SHC3: variants seen among roughly 807,000 people sequenced by gnomAD.
The protein encoded by SHC3 is SHC adaptor protein 3.
In SHC3, 15 loss-of-function variants were observed where a neutral mutation model predicts 60.4. That is an observed-to-expected ratio of 0.25 (90% CI 0.17 to 0.38). The LOEUF (loss-of-function observed/expected upper bound fraction) is 0.38. SHC3 is among the 10% of genes least tolerant of loss of function. The pLI, the probability that SHC3 is intolerant of heterozygous loss-of-function variation, is 1.00. For synonymous variants in SHC3, 294 were observed against 325.9 expected (o/e 0.90, Z 1.05); for missense variants, 677 against 786.1 (o/e 0.86, Z 1.66).
At chr9:89,083,744 C>A (rs774123102) in intron 2 of SHC3, among the ~76,000 whole-genome samples, 1 of 152,178 alleles carries the variant, frequency 6.6e-6, no homozygotes, top group Non-Finnish European at 1.5e-5. Flanking sequence ...CTCACTCTTT[C>A]ATCTTGGGGA....
intron 1 of SHC3, 126 bp from the exon 2 acceptor site, chr9:89,112,752 A>G: frequency 1.4e-6 from 1 of 719,672 alleles, no homozygotes; most frequent in South Asian, 2.6e-5. Context: ...TTTAAATTCT[A>G]GGGTGAGGCT....
chr9:89,178,356 C>T lies in SHC3; in HGVS notation c.105G>A (p.Ser35=), dbSNP rs773645824. The change falls in exon 1 of 12, where the codon TCG becomes TCA. Residue 35 remains serine (S), a synonymous_variant. Coordinates refer to ENST00000375835, the MANE Select transcript of SHC3 (RefSeq NM_016848.6). The surrounding 1 kb of genome is among the most constrained non-coding windows in gnomAD (Gnocchi z 6.9). Reference sequence around the variant, plus strand: ...CCGCCGCCGGGGTCGCGCGCGCCGCCGAAACCTTGCCTCCGCCGCCGCTCA... The same window carrying T: ...CCGCCGCCGGGGTCGCGCGCGCCGCTGAAACCTTGCCTCCGCCGCCGCTCA... The part of the protein sequence containing the change: ...LSVSGGGGKV[S]AARATPAAAP... The T allele has an allele frequency of 1.3e-6, 2 of 1,593,938 alleles. No homozygotes were observed. Among genetic ancestry groups the T allele is most frequent in the African/African-American group, 1.4e-5 (1 of 72,400 alleles).
At position 89,107,703 on chromosome 9, in the gene SHC3, C is replaced by T. The variant is rs535193911; in HGVS notation, c.545+4853G>A. 3.3e-5 allele frequency among the ~76,000 whole-genome samples: 5 copies of T among 152,230 alleles called. No individual in the cohort carries two copies. In the South Asian group the frequency reaches 1.0e-3, roughly 32 times the overall value. ...AATCCAAAAGCTAGCCATTCTGCAC[C>T]ACCCAAATGCACAGGGATCAGGGTT... On this transcript the variant is annotated intron_variant, in intron 2 of 11. Transcript: ENST00000375835.
Position 89,077,829 on chromosome 9 carries a change from G to A in SHC3, c.609+11C>T, listed in dbSNP as rs1825383669. ...GAGACACAGTTAGACACAGAGCATT[G>A]AGGACAGTACCTTTCTCTTCTTGAA... On this transcript the variant is annotated intron_variant, in intron 3 of 11. Coordinates refer to ENST00000375835, the MANE Select transcript of SHC3 (RefSeq NM_016848.6). The A allele has an allele frequency of 6.2e-7, 1 of 1,614,034 alleles. No homozygotes were observed. The highest frequency in any genetic ancestry group is 8.5e-7 in the Non-Finnish European group (1 of 1,180,002).
chr9:89,138,721 C>T (rs7048173), intron 1 of SHC3, among the ~76,000 whole-genome samples: 104,044 of 151,950 alleles, frequency 0.68, 35,982 homozygotes, highest in East Asian at 0.98. Context: ...TTCCCCTCTC[C>T]CTTTTCTAAG....
At chr9:89,162,286 T>C (rs1458490349) in intron 1 of SHC3, among the ~76,000 whole-genome samples, 1 of 151,450 alleles carries the variant, frequency 6.6e-6, no homozygotes, top group Non-Finnish European at 1.5e-5. Context: ...CATCGCCAAG[T>C]CAATCCTCAG....
chr9:89,159,352 A>C (rs1403057477), intron 1 of SHC3, among the ~76,000 whole-genome samples: 2 of 152,218 alleles, frequency 1.3e-5, no homozygotes, highest in Non-Finnish European at 2.9e-5. Context: ...GAATGTAAAC[A>C]ATAAGAGAAT....
At chr9:89,095,848 G>C (rs779931151) in intron 2 of SHC3, among the ~76,000 whole-genome samples, 3 of 151,982 alleles carry the variant, frequency 2.0e-5, no homozygotes, top group African/African-American at 7.3e-5. Flanking sequence ...ATCATTTTGC[G>C]GTGCATTTTC....
chr9:89,119,542 A>G (rs1307334202), intron 1 of SHC3, among the ~76,000 whole-genome samples: 1 of 152,202 alleles, frequency 6.6e-6, no homozygotes, highest in Non-Finnish European at 1.5e-5. Context: ...CAATAGCAAG[A>G]ACGAAAAAAC....
intron 10 of SHC3, among the ~76,000 whole-genome samples, chr9:89,041,679 T>C (rs1413567015): frequency 1.3e-5 from 2 of 152,258 alleles, no homozygotes; most frequent in Non-Finnish European, 2.9e-5. Context: ...ATTTCATCTT[T>C]GCATCCTTAG....
intron 2 of SHC3, among the ~76,000 whole-genome samples, chr9:89,080,755 A>ATGTATATATATATATATATATATG (rs1825432141): frequency 6.9e-6 from 1 of 145,412 alleles, no homozygotes; most frequent in African/African-American, 2.5e-5. Context: ...ATATATATAT[A>ATGTATATATATATATATATATATG]TATGTATGTA....
chr9:89,046,622 A>T (rs1824779263), intron 8 of SHC3, among the ~76,000 whole-genome samples: 1 of 152,178 alleles, frequency 6.6e-6, no homozygotes, highest in Non-Finnish European at 1.5e-5. Flanking sequence ...ATATCCCAGG[A>T]ATCACCACAC....
chr9:89,093,830 G>A (rs1190889258), intron 2 of SHC3, among the ~76,000 whole-genome samples: 19 of 152,086 alleles, frequency 1.2e-4, no homozygotes, highest in African/African-American at 3.6e-4. Context: ...CTGGTCGGGC[G>A]CGGTGGCTCA....
chr9:89,013,679 A>C, intron 11 of SHC3, 104 bp from the exon 12 acceptor site: 1 of 1,474,370 alleles, frequency 6.8e-7, no homozygotes, highest in Non-Finnish European at 9.1e-7. Context: ...CCCAGAAGGA[A>C]AGGAGGGGGG....
chr9:89,058,631 C>T (rs894593526), intron 6 of SHC3, among the ~76,000 whole-genome samples: 12 of 139,320 alleles, frequency 8.6e-5, no homozygotes, highest in African/African-American at 3.0e-4. Flanking sequence ...TGGTGGAGGA[C>T]ATGGTGGAGG....
intron 11 of SHC3, among the ~76,000 whole-genome samples, chr9:89,019,251 C>T (rs1161522669): frequency 1.3e-5 from 2 of 151,838 alleles, no homozygotes; most frequent in East Asian, 1.9e-4. Flanking sequence ...TTTTTGTAAA[C>T]CATTATTGCT....
At chr9:89,073,517 G>A (rs141494383) in intron 4 of SHC3, among the ~76,000 whole-genome samples, 71 of 152,220 alleles carry the variant, frequency 4.7e-4, no homozygotes, top group Admixed American at 1.2e-3. Flanking sequence ...AAAGTCAGCT[G>A]GAAGGGAGAG....
intron 11 of SHC3, among the ~76,000 whole-genome samples, chr9:89,021,471 GC>G: frequency 6.6e-6 from 1 of 152,174 alleles, no homozygotes; most frequent in South Asian, 2.1e-4. Context: ...GAAGGCCTAG[GC>G]CCAGGTCACC....
chr9:89,159,241 C>A (rs375432976), intron 1 of SHC3, among the ~76,000 whole-genome samples: 14 of 152,156 alleles, frequency 9.2e-5, no homozygotes, highest in African/African-American at 3.1e-4. Flanking sequence ...TAGGATAGGA[C>A]AAAACTCTAC....
Sources: allele counts gnomAD v4.1 joint callset (sites outside exome capture counted in the v4.1 genomes callset), GRCh38; gene constraint gnomAD v4.1.1; non-coding constraint Gnocchi (gnomAD v3.1); transcripts MANE v1.5; gene names NCBI Gene and HGNC (gene_info 2026-07-23, HGNC 2026-07-21).